PADI6: variants seen among roughly 807,000 people sequenced by gnomAD.
The protein encoded by PADI6 is inactive protein-arginine deiminase type-6.
In PADI6, 66 loss-of-function variants were observed where a neutral mutation model predicts 78.2. The observed-to-expected ratio is 0.84, with a 90% CI of 0.69 to 1.04. The LOEUF (loss-of-function observed/expected upper bound fraction) is 1.04. Ranked by LOEUF, PADI6 falls within the 50% of genes least tolerant of loss-of-function variation. The pLI, the probability that PADI6 is intolerant of heterozygous loss-of-function variation, is 0.00. For synonymous variants in PADI6, 397 were observed against 346.9 expected (o/e 1.14, Z -1.60); for missense variants, 854 against 866.1 (o/e 0.99, Z 0.18).
intron 1 of PADI6, 127 bp downstream of exon 1, chr1:17,372,488 C>G: frequency 1.6e-5 from 14 of 884,812 alleles, no homozygotes; most frequent in Non-Finnish European, 2.3e-5. Context: ...TCTTGGGAAG[C>G]CTTGGGTCTC....
Position 17,401,414 on chromosome 1 carries a change from C to T in PADI6, c.2061C>T (p.Phe687=). 1 of 1,614,026 alleles carries T rather than the reference C, an allele frequency of 6.2e-7. No homozygotes were observed. The highest frequency in any genetic ancestry group is 8.5e-7 in the Non-Finnish European group (1 of 1,179,884). The change falls in exon 16 of 16, where the codon TTC becomes TTT. Residue 687 remains phenylalanine (F), a synonymous_variant. Coordinates refer to ENST00000619609, the MANE Select transcript of PADI6 (RefSeq NM_207421.4). ...ACATCCGCCGGGTGCCCTTTGCCTT[C>T]AAATGGTGGAAGATGGTACCTTAGA... ...CANIRRVPFA[F]KWWKMVP
At chr1:17,393,049 G>T (rs2075204444) in intron 9 of PADI6, among the ~76,000 whole-genome samples, 1 of 152,126 alleles carries the variant, frequency 6.6e-6, no homozygotes, top group Admixed American at 6.5e-5. Context: ...TGGTCACTGA[G>T]GCAGAAGAAT....
At chr1:17,378,043 CCCTTGGCCTTGCTG>C (rs1354674570) in intron 3 of PADI6, among the ~76,000 whole-genome samples, 1 of 152,166 alleles carries the variant, frequency 6.6e-6, no homozygotes, top group Admixed American at 6.5e-5. Context: ...GCCACTCTAA[CCCTTGGCCTTGCTG>C]CCTTGGGCTT....
chr1:17,373,503 ATT>A (rs201367226), intron 2 of PADI6, among the ~76,000 whole-genome samples: 37,342 of 112,570 alleles, frequency 0.33, 5,013 homozygotes, highest in East Asian at 0.52. Flanking sequence ...ATTTATTATT[ATT>A]TTTTTTTTTG....
At chr1:17,386,007 C>T (rs1441041023) in intron 6 of PADI6, among the ~76,000 whole-genome samples, 6 of 151,984 alleles carry the variant, frequency 3.9e-5, no homozygotes, top group East Asian at 3.9e-4. Context: ...GACAGACAGT[C>T]GAGGACCCAG....
At chr1:17,390,855 C>T (rs1212362201) in intron 8 of PADI6, among the ~76,000 whole-genome samples, 1 of 152,164 alleles carries the variant, frequency 6.6e-6, no homozygotes, top group African/African-American at 2.4e-5. Context: ...ACTTGTTCTT[C>T]AAAGAAACCC....
intron 13 of PADI6, 122 bp from the exon 14 acceptor site, chr1:17,396,947 CCT>C: frequency 2.4e-6 from 2 of 837,398 alleles, no homozygotes; most frequent in Non-Finnish European, 3.9e-6. Context: ...ATAGGCCAGT[CCT>C]CTCGCCATGG....
At position 17,395,549 on chromosome 1, in the gene PADI6, C is replaced by A; in HGVS notation, c.1504C>A (p.Leu502Met). 1 of 1,555,304 alleles carries A rather than the reference C, an allele frequency of 6.4e-7. No individual in the cohort carries two copies. Among genetic ancestry groups the A allele is most frequent in the Non-Finnish European group, 8.7e-7 (1 of 1,148,834 alleles). ...AAGTTCTGTTTCCCAGGGCTTCCTG[C>A]TGCTCCTGGCCAGCCCCAGTGCCTG... Reference protein sequence around the residue: ...DKNEGKKGFLLLLASPSACYK... With the variant: ...DKNEGKKGFLMLLASPSACYK... The change falls in exon 13 of 16, where the codon CTG becomes ATG. Residue 502 changes from leucine (L) to methionine (M), a missense_variant. Physicochemically the swap from Leu to Met is conservative, Grantham distance 15. Coordinates refer to ENST00000619609, the MANE Select transcript of PADI6 (RefSeq NM_207421.4).
intron 15 of PADI6, among the ~76,000 whole-genome samples, chr1:17,399,839 A>G (rs1557611555): frequency 6.6e-6 from 1 of 151,910 alleles, no homozygotes; most frequent in Non-Finnish European, 1.5e-5. Flanking sequence ...GAAGTTCGAG[A>G]TCAGCCCTGC....
chr1:17,391,906 T>C (rs1008347833), intron 8 of PADI6, among the ~76,000 whole-genome samples: 3 of 152,240 alleles, frequency 2.0e-5, no homozygotes, highest in Admixed American at 2.0e-4. Context: ...GGCTCTGCCA[T>C]GGGCAAAGCT....
chr1:17,381,533 G>A (rs759844309), intron 5 of PADI6, among the ~76,000 whole-genome samples: 5 of 152,222 alleles, frequency 3.3e-5, no homozygotes, highest in African/African-American at 4.8e-5. Flanking sequence ...TTTCTAAAAA[G>A]CCTCTCATAG....
intron 8 of PADI6, among the ~76,000 whole-genome samples, chr1:17,389,113 A>G (rs748214692): frequency 9.8e-5 from 15 of 152,324 alleles, no homozygotes; most frequent in Middle Eastern, 6.8e-3. Context: ...GTGAGGGCCA[A>G]ACGGCATGGT....
chr1:17,384,149 A>AG (rs1218825230), intron 6 of PADI6, among the ~76,000 whole-genome samples: 6 of 152,112 alleles, frequency 3.9e-5, no homozygotes, highest in Non-Finnish European at 7.4e-5. Flanking sequence ...TCTCAAAAAA[A>AG]AAAACTTAAA....
chr1:17,398,907 C>T (rs2100328688), intron 15 of PADI6, 60 bp downstream of exon 15: 3 of 1,550,170 alleles, frequency 1.9e-6, no homozygotes, highest in Non-Finnish European at 2.7e-6. Flanking sequence ...CACTGGCTGC[C>T]ACCTCACTGT....
At chr1:17,398,653 C>CCGGGCGGGGGGGGGGGGGGGGGGGGGG in intron 14 of PADI6, 33 bp from the exon 15 acceptor site, 1 of 135,092 alleles carries the variant, frequency 7.4e-6, no homozygotes. Flanking sequence ...CTTGCTCCCC[C>CCGGGCGGGGGGGGGGGGGGGGGGGGGG]GCCCCCCCCC....
intron 7 of PADI6, 67 bp downstream of exon 7, chr1:17,388,626 A>T: frequency 6.7e-7 from 1 of 1,488,982 alleles, no homozygotes; most frequent in South Asian, 1.3e-5. Flanking sequence ...CATCTCCCAC[A>T]GTTGGGCAGA....
At chr1:17,372,503 G>C (rs934872104) in intron 1 of PADI6, 142 bp downstream of exon 1, 10 of 772,460 alleles carry the variant, frequency 1.3e-5, no homozygotes, top group South Asian at 8.2e-5. Flanking sequence ...GGTCTCTAGT[G>C]GGGGGCCTCC....
chr1:17,372,613 C>T (rs1309812703), intron 1 of PADI6, among the ~76,000 whole-genome samples: 1 of 152,116 alleles, frequency 6.6e-6, no homozygotes, highest in Non-Finnish European at 1.5e-5. Context: ...TCTCTGTTCC[C>T]CTATCTGTGA....
rs1255000518 is a variant in PADI6, at chr1:17,381,063, G to T, written c.452G>T (p.Gly151Val). 1 of 1,602,804 alleles carries T rather than the reference G, an allele frequency of 6.2e-7. No individual in the cohort carries two copies. The highest frequency in any genetic ancestry group is 1.3e-5 in the African/African-American group (1 of 74,722). ...CATTTGCAGAAAAAATGGATCTGGGGTCCCAGCGGTTGGGGTGCCATCCTG... is the reference window on the plus strand; with the variant it reads ...CATTTGCAGAAAAAATGGATCTGGGTTCCCAGCGGTTGGGGTGCCATCCTG... The part of the protein sequence containing the change: ...DKQAKKKWIW[G>V]PSGWGAILLV... Residue 151 changes from glycine (G) to valine (V), a missense_variant, in exon 5 of 16, where the codon GGT (glycine) becomes GTT (valine). Transcript: ENST00000619609.
Sources: gnomAD v4.1 joint callset for allele counts (sites outside exome capture counted in the v4.1 genomes callset) on GRCh38, gnomAD v4.1.1 for gene constraint, MANE v1.5 for transcripts, NCBI Gene and HGNC (gene_info 2026-07-23, HGNC 2026-07-21) for gene names.